MORC2: variants seen among roughly 807,000 people sequenced by gnomAD.
MORC2 encodes the protein MORC family CW-type zinc finger 2.
MORC2 carries 30 observed loss-of-function variants against 136.0 expected under a neutral mutation model. The observed-to-expected ratio is 0.22, with a 90% CI of 0.17 to 0.30. MORC2 has a LOEUF of 0.30. Ranked by LOEUF, MORC2 falls within the 10% of genes least tolerant of loss-of-function variation. MORC2 has a pLI of 1.00. For synonymous variants in MORC2, 439 were observed against 487.0 expected (o/e 0.90, Z 1.30); for missense variants, 922 against 1,333.1 (o/e 0.69, Z 4.80).
chr22:30,945,471 C>A (rs1042641334), intron 6 of MORC2, among the ~76,000 whole-genome samples: 1 of 152,154 alleles, frequency 6.6e-6, no homozygotes, highest in East Asian at 1.9e-4. Flanking sequence ...GTGGAAGTTG[C>A]GGATTTCTTT....
In MORC2 at chr22:30,934,704, A is replaced by T; in HGVS notation, c.2193+77T>A. On this transcript the variant is annotated intron_variant, in intron 19 of 25. Coordinates refer to ENST00000397641, the MANE Select transcript of MORC2 (RefSeq NM_001303256.3). The surrounding 1 kb of genome is among the most constrained non-coding windows in gnomAD (Gnocchi z 4.4). ...AGTATCTTCCGAAGGCTCCCCCAGTACAGCTGTGACACTGCACAATTCCAT... is the reference window on the plus strand; with the variant it reads ...AGTATCTTCCGAAGGCTCCCCCAGTTCAGCTGTGACACTGCACAATTCCAT... The T allele has an allele frequency of 6.5e-7, 1 of 1,541,946 alleles. No individual in the cohort carries two copies. Among genetic ancestry groups the T allele is most frequent in the Non-Finnish European group, 8.8e-7 (1 of 1,132,618 alleles).
At chr22:30,938,537 C>G (rs997495769) in intron 12 of MORC2, among the ~76,000 whole-genome samples, 1 of 152,160 alleles carries the variant, frequency 6.6e-6, no homozygotes, top group East Asian at 1.9e-4. Context: ...TATCGTCATA[C>G]CTTCCCCAAA....
intron 1 of MORC2, among the ~76,000 whole-genome samples, chr22:30,966,073 G>A (rs935717181): frequency 6.6e-6 from 1 of 152,144 alleles, no homozygotes; most frequent in African/African-American, 2.4e-5. Flanking sequence ...TTATCCCAAA[G>A]GCTTCCTGTA....
intron 3 of MORC2, among the ~76,000 whole-genome samples, chr22:30,954,778 C>CGTAAAAAACGTCTTCCAAGTA (rs1335006697): frequency 4.6e-5 from 7 of 152,168 alleles, no homozygotes; most frequent in Non-Finnish European, 1.0e-4. Context: ...TTGACCATTA[C>CGTAAAAAACGTCTTCCAAGTA]GATTTGTACC....
rs1198583151 is a variant in MORC2 at position 30,965,509 on chromosome 22, T to C, written c.68+2313A>G. On this transcript the variant is annotated intron_variant, in intron 1 of 25. Coordinates refer to ENST00000397641, the MANE Select transcript of MORC2 (RefSeq NM_001303256.3). Reference sequence around the variant, plus strand: ...TATCTTGTTGGTTTAGGGTTTATACTGTCTTCTGGTAGGACTAATACATCA... The same window carrying C: ...TATCTTGTTGGTTTAGGGTTTATACCGTCTTCTGGTAGGACTAATACATCA... 2.0e-5 allele frequency among the ~76,000 whole-genome samples: 3 copies of C among 152,258 alleles called. 1 individual carries two copies. In the East Asian group the frequency reaches 5.8e-4, roughly 29 times the overall value.
In MORC2 at chr22:30,968,075, GT is replaced by G. The variant is rs145653923; in HGVS notation, c.-187del. 1.1e-3 allele frequency: 588 copies of G among 531,432 alleles called. 4 individuals carry two copies. Among genetic ancestry groups the G allele is most frequent in the East Asian group, 8.6e-3 (261 of 30,438 alleles). 32.9% of individuals were successfully genotyped at this position (531,432 alleles called of 1,614,324 possible). A position where few individuals can be genotyped will look rare whatever the true frequency, so the allele number is the denominator to read the frequency against. On this transcript the variant is annotated 5_prime_UTR_variant, in exon 1 of 26. Transcript: ENST00000397641. ...GTTTAAAACTACAATTTCTTCAAGT[GT>G]TTTTTTTTAATCTTCTCAATGATTT...
Position 30,931,759 on chromosome 22 carries a change from G to A in MORC2, c.2841+600C>T, listed in dbSNP as rs758474283. On this transcript the variant is annotated intron_variant, in intron 24 of 25. Coordinates refer to ENST00000397641, the MANE Select transcript of MORC2 (RefSeq NM_001303256.3). ...CTTTCTATCCACTTTCTCAGCACTC[G>A]CTGCTCCTGCCCCCATGTCCAGCTA... Among the ~76,000 whole-genome samples the A allele has an allele frequency of 2.6e-5, 4 of 152,124 alleles. No individual in the cohort carries two copies. The East Asian group carries it at 5.8e-4, about 22-fold the overall frequency.
At chr22:30,926,969 T>G in intron 25 of MORC2, 98 bp from the exon 26 acceptor site, 2 of 1,014,944 alleles carry the variant, frequency 2.0e-6, no homozygotes, top group East Asian at 2.5e-5. Flanking sequence ...GAGCCCAGAG[T>G]CCTCTCCCTG....
At position 30,935,258 on chromosome 22, in the gene MORC2, G is replaced by C. The variant is rs764568031; in HGVS notation, c.1802C>G (p.Pro601Arg). The C allele has an allele frequency of 3.7e-6, 6 of 1,613,622 alleles. No homozygotes were observed. The highest frequency in any genetic ancestry group is 5.1e-6 in the Non-Finnish European group (6 of 1,179,874). The change falls in exon 18 of 26, where the codon CCT becomes CGT. Residue 601 changes from proline (P) to arginine (R), a missense_variant. Pro to Arg is a moderately radical substitution (Grantham distance 103). Coordinates refer to ENST00000397641, the MANE Select transcript of MORC2 (RefSeq NM_001303256.3). ...KKLPLEVTTR[P>R]STEEPVRRPQ... ...GCCCCTGGACTTCACCTCAGTGGAA[G>C]GTCTGGTGGTCACTTCCAAGGGCAA...
At chr22:30,945,912 A>G (rs1235966971) in intron 6 of MORC2, among the ~76,000 whole-genome samples, 3 of 152,188 alleles carry the variant, frequency 2.0e-5, no homozygotes, top group African/African-American at 7.2e-5. Flanking sequence ...CATTTCTTCA[A>G]AAGGAAAATG....
rs562392958 is a variant in MORC2 at position 30,934,940 on chromosome 22, G to C, written c.2034C>G (p.Ala678=). The change falls in exon 19 of 26, where the codon GCC becomes GCG. Residue 678 remains alanine, a synonymous_variant. Coordinates refer to ENST00000397641, the MANE Select transcript of MORC2 (RefSeq NM_001303256.3). This position sits in a 1 kb window ranked among gnomAD's most constrained non-coding sequence, Gnocchi z 4.4. The part of the protein sequence containing the change: ...LQPPEAPRKP[A]NTLVKTASRP... ...GGGATGCAGTCTTGACGAGAGTGTT[G>C]GCAGGCTTTCGGGGTGCCTCAGGTG... The C allele has an allele frequency of 6.2e-7, 1 of 1,614,118 alleles. No individual in the cohort carries two copies. Among genetic ancestry groups the C allele is most frequent in the Non-Finnish European group, 8.5e-7 (1 of 1,180,024 alleles).
At chr22:30,946,081 ATTC>A (rs2040811359) in intron 6 of MORC2, among the ~76,000 whole-genome samples, 1 of 152,128 alleles carries the variant, frequency 6.6e-6, no homozygotes, top group African/African-American at 2.4e-5. Context: ...CCAACTCTTA[ATTC>A]CTGCCACTTG....
rs908589310 is a variant in MORC2, at chr22:30,941,682, T to C, written c.699-124A>G. ...TAGGTACTGACTTCTGCTGCTGCCC[T>C]GAACTGGTGCTCCCTTAGTGTGAGC... On this transcript the variant is annotated intron_variant, in intron 8 of 25. Coordinates refer to ENST00000397641, the MANE Select transcript of MORC2 (RefSeq NM_001303256.3). This position sits in a 1 kb window ranked among gnomAD's most constrained non-coding sequence, Gnocchi z 4.6. The C allele has an allele frequency of 2.2e-6, 3 of 1,378,060 alleles. No individual in the cohort carries two copies. The highest frequency in any genetic ancestry group is 2.9e-6 in the Non-Finnish European group (3 of 1,017,502). 85.4% of individuals were successfully genotyped at this position (1,378,060 alleles called of 1,614,324 possible).
chr22:30,950,353 C>CCCAACAAAAAAAAA, intron 4 of MORC2, 24 bp downstream of exon 4: 2 of 1,481,956 alleles, frequency 1.3e-6, no homozygotes, highest in Non-Finnish European at 1.9e-6. Context: ...CCCCACCCCC[C>CCCAACAAAAAAAAA]AAAACAATAA....
intron 17 of MORC2, 29 bp from the exon 18 acceptor site, chr22:30,935,351 T>A (rs780444933): frequency 1.1e-5 from 18 of 1,605,042 alleles, no homozygotes; most frequent in Admixed American, 1.7e-5. Context: ...GATGAAGTTG[T>A]TTGCATATTT....
chr22:30,954,753 G>C (rs1388758734), intron 3 of MORC2, among the ~76,000 whole-genome samples: 1 of 152,130 alleles, frequency 6.6e-6, no homozygotes, highest in Non-Finnish European at 1.5e-5. Context: ...TTTAAAAAAC[G>C]TCTTCCAAGT....
Position 30,934,656 on chromosome 22 carries a change from G to C in MORC2, c.2193+125C>G. On this transcript the variant is annotated intron_variant, in intron 19 of 25. Coordinates refer to ENST00000397641, the MANE Select transcript of MORC2 (RefSeq NM_001303256.3). The surrounding 1 kb of genome is among the most constrained non-coding windows in gnomAD (Gnocchi z 4.4). ...GCTATCAAGGCTTCCCGTCCTCAGG[G>C]GCAGCAGCAAAGCTTTAGATTCAGT... 1 of 1,355,508 alleles carries C rather than the reference G, an allele frequency of 7.4e-7. No homozygotes were observed. Among genetic ancestry groups the C allele is most frequent in the South Asian group, 1.4e-5 (1 of 72,482 alleles). 84.0% of individuals were successfully genotyped at this position (1,355,508 alleles called of 1,614,324 possible).
At position 30,932,339 on chromosome 22, in the gene MORC2, G is replaced by A. The variant is rs192723178; in HGVS notation, c.2841+20C>T. ...GTGGGGGAATGAAGAGTGTGGAATC[G>A]AAGGTCAGGCCAGACTCACCAGAGG... is the stretch of plus-strand genomic sequence containing the variant. On this transcript the variant is annotated intron_variant, in intron 24 of 25. Transcript: ENST00000397641. This position sits in a 1 kb window ranked among gnomAD's most constrained non-coding sequence, Gnocchi z 4.4. 1.5e-3 allele frequency: 2,367 copies of A among 1,582,400 alleles called. 51 individuals carry two copies. The Admixed American group carries it at 0.037, about 25-fold the overall frequency.
chr22:30,935,327 A>G lies in MORC2; in HGVS notation c.1738-5T>C. 2 of 1,613,188 alleles carry G rather than the reference A, an allele frequency of 1.2e-6. No individual in the cohort carries two copies. The highest frequency in any genetic ancestry group is 1.7e-6 in the Non-Finnish European group (2 of 1,179,490). ...GGAGCGGATGGGTGTGGTTTTCTGC[A>G]AGGCAAACATCATGATGAAGTTGTT... On this transcript the variant is annotated splice_polypyrimidine_tract_variant and splice_region_variant and intron_variant, in intron 17 of 25. Coordinates refer to ENST00000397641, the MANE Select transcript of MORC2 (RefSeq NM_001303256.3).
Sources: gnomAD v4.1 joint callset for allele counts (sites outside exome capture counted in the v4.1 genomes callset) on GRCh38, gnomAD v4.1.1 for gene constraint, Gnocchi (gnomAD v3.1) non-coding constraint, MANE v1.5 for transcripts, NCBI Gene and HGNC (gene_info 2026-07-23, HGNC 2026-07-21) for gene names.